Variants in ANTXR2 observed in about 807,000 individuals in gnomAD.
The protein encoded by ANTXR2 is anthrax toxin receptor 2.
Under a neutral mutation model 73.7 loss-of-function variants are expected in ANTXR2, and 44 were observed. That is an observed-to-expected ratio of 0.60 (90% CI 0.47 to 0.77). ANTXR2 has a LOEUF of 0.77. Among genes scored for constraint, ANTXR2 ranks in the 30% least tolerant of loss-of-function variants. ANTXR2 has a pLI of 0.00. For synonymous variants in ANTXR2, 217 were observed against 205.9 expected, an observed-to-expected ratio of 1.05 and a Z score of -0.46; for missense variants, 604 against 592.5, an observed-to-expected ratio of 1.02 and a Z score of -0.20.
At chr4:79,984,102 G>A (rs1730000938) in intron 13 of ANTXR2, 132 bp from the exon 14 acceptor site, 2 of 649,438 alleles carry the variant, frequency 3.1e-6, no homozygotes, top group Non-Finnish European at 5.1e-6. Context: ...AGAACATGTG[G>A]ATATATTTAC....
At chr4:80,008,475 T>A (rs1731413075) in intron 12 of ANTXR2, 46 bp downstream of exon 12, 1 of 1,457,064 alleles carries the variant, frequency 6.9e-7, no homozygotes, top group African/African-American at 1.4e-5. Flanking sequence ...TTACTTTACA[T>A]CTTTCTAATT....
chr4:79,989,261 A>C (rs956533274), intron 12 of ANTXR2, among the ~76,000 whole-genome samples: 1 of 151,878 alleles, frequency 6.6e-6, no homozygotes, highest in African/African-American at 2.4e-5. Context: ...ATTAATAAAT[A>C]AAAAAAAGAA....
At chr4:79,923,994 ATTGTT>A (rs1727688427) in intron 16 of ANTXR2, among the ~76,000 whole-genome samples, 1 of 152,074 alleles carries the variant, frequency 6.6e-6, no homozygotes, top group Non-Finnish European at 1.5e-5. Context: ...ACACACATAT[ATTGTT>A]TTAATTGTAG....
At chr4:80,008,766 TTC>T in intron 11 of ANTXR2, 150 bp from the exon 12 acceptor site, 1 of 471,090 alleles carries the variant, frequency 2.1e-6, no homozygotes, top group Non-Finnish European at 3.7e-6. Flanking sequence ...TTTCTTGAAA[TTC>T]TACAAATGTA....
intron 14 of ANTXR2, among the ~76,000 whole-genome samples, chr4:79,979,719 C>G (rs2110014326): frequency 6.6e-6 from 1 of 152,220 alleles, no homozygotes; most frequent in South Asian, 2.1e-4. Context: ...AGAGAAATGA[C>G]CTTCTCTTTC....
intron 12 of ANTXR2, among the ~76,000 whole-genome samples, chr4:79,999,815 G>A (rs1423585380): frequency 6.6e-6 from 1 of 151,892 alleles, no homozygotes; most frequent in Non-Finnish European, 1.5e-5. Flanking sequence ...TACTTGGGAG[G>A]CTGAAGCTGA....
intron 10 of ANTXR2, among the ~76,000 whole-genome samples, chr4:80,022,615 T>C (rs993505591): frequency 1.6e-4 from 25 of 152,238 alleles, no homozygotes; most frequent in African/African-American, 5.8e-4. Context: ...TGGATTGTTA[T>C]TCCTACTCCT....
chr4:80,072,705 C>T lies in ANTXR2; in HGVS notation c.-145G>A. 7.4e-7 allele frequency: 1 copy of T among 1,348,522 alleles called. No homozygotes were observed. The highest frequency in any genetic ancestry group is 9.5e-7 in the Non-Finnish European group (1 of 1,055,386). 83.5% of individuals were successfully genotyped at this position (1,348,522 alleles called of 1,614,324 possible). A position where few individuals can be genotyped will look rare whatever the true frequency, so the allele number is the denominator to read the frequency against. On this transcript the variant is annotated 5_prime_UTR_variant, in exon 1 of 17. Transcript: ENST00000403729. ...ACGCCGGCGCCTGCGGCAGCGGGAC[C>T]CACCAGCTGACAGGGAGGGAGAGAG...
intron 13 of ANTXR2, among the ~76,000 whole-genome samples, chr4:79,984,429 C>G (rs1329872510): frequency 6.6e-6 from 1 of 152,072 alleles, no homozygotes; most frequent in African/African-American, 2.4e-5. Context: ...ATTTCATGTT[C>G]CTAACATGAT....
intron 12 of ANTXR2, among the ~76,000 whole-genome samples, chr4:79,995,663 G>A (rs188162117): frequency 1.3e-5 from 2 of 151,946 alleles, no homozygotes; most frequent in African/African-American, 4.8e-5. Flanking sequence ...ATGGCCATAT[G>A]TCTATATGCA....
At chr4:80,070,494 C>T (rs1734737371) in intron 2 of ANTXR2, among the ~76,000 whole-genome samples, 2 of 152,296 alleles carry the variant, frequency 1.3e-5, no homozygotes, top group South Asian at 4.1e-4. Context: ...GTCTGTTCTG[C>T]CTTTGACATT....
At chr4:80,048,085 A>T (rs1487396839) in intron 7 of ANTXR2, among the ~76,000 whole-genome samples, 1 of 151,564 alleles carries the variant, frequency 6.6e-6, no homozygotes, top group Non-Finnish European at 1.5e-5. Context: ...ATTTTTATTC[A>T]TTTTATTTAT....
At chr4:80,052,067 T>C (rs1351816847) in intron 7 of ANTXR2, among the ~76,000 whole-genome samples, 1 of 151,642 alleles carries the variant, frequency 6.6e-6, no homozygotes, top group Non-Finnish European at 1.5e-5. Flanking sequence ...AAATTATCAA[T>C]TTAGCAAATA....
intron 3 of ANTXR2, among the ~76,000 whole-genome samples, chr4:80,065,939 A>G (rs1734476043): frequency 1.3e-5 from 2 of 152,224 alleles, no homozygotes; most frequent in Non-Finnish European, 2.9e-5. Flanking sequence ...AGATTTTAAT[A>G]GTTTATATGC....
At chr4:79,963,482 C>A (rs1381475797) in intron 16 of ANTXR2, among the ~76,000 whole-genome samples, 4 of 152,124 alleles carry the variant, frequency 2.6e-5, no homozygotes, top group Admixed American at 2.0e-4. Flanking sequence ...ATTACATCTG[C>A]ACAACTGACA....
chr4:80,009,317 A>G (rs996319078), intron 11 of ANTXR2, among the ~76,000 whole-genome samples: 2 of 152,190 alleles, frequency 1.3e-5, no homozygotes, highest in Non-Finnish European at 2.9e-5. Context: ...CAGGGCTCAT[A>G]TTAAGTCACT....
At chr4:80,011,295 CTATCTAT>C in intron 11 of ANTXR2, among the ~76,000 whole-genome samples, 1 of 151,584 alleles carries the variant, frequency 6.6e-6, no homozygotes, top group Non-Finnish European at 1.5e-5. Flanking sequence ...ATCTATCTAT[CTATCTAT>C]CTATCTATCT....
At chr4:79,997,075 AAGTT>A (rs1730763769) in intron 12 of ANTXR2, among the ~76,000 whole-genome samples, 2 of 151,780 alleles carry the variant, frequency 1.3e-5, no homozygotes, top group South Asian at 2.1e-4. Flanking sequence ...AAAAAAAAAA[AAGTT>A]AGCTGCTTCA....
rs776691240 is a variant in ANTXR2 at position 80,072,495 on chromosome 4, C to T, written c.66G>A (p.Leu22=). The T allele has an allele frequency of 1.2e-6, 2 of 1,608,282 alleles. No homozygotes were observed. The highest frequency in any genetic ancestry group is 1.7e-6 in the Non-Finnish European group (2 of 1,177,944). ...GCAGCCCCCCGGGACCGCTGAGCAC[C>T]AACAGCCACAGCCCGGGGAACAGCC... is the stretch of plus-strand genomic sequence containing the variant. ...GSWLFPGLWL[L]VLSGPGGLLR... is the part of the protein sequence containing the mutation. The change falls in exon 1 of 17, where the codon TTG becomes TTA. Residue 22 remains leucine (L), a synonymous_variant. Coordinates refer to ENST00000403729, the MANE Select transcript of ANTXR2 (RefSeq NM_058172.6).
Sources: allele counts gnomAD v4.1 joint callset (sites outside exome capture counted in the v4.1 genomes callset), GRCh38; gene constraint gnomAD v4.1.1; transcripts MANE v1.5; gene names NCBI Gene and HGNC (gene_info 2026-07-23, HGNC 2026-07-21).